Variants in DPH6 observed in about 807,000 individuals in gnomAD.
The protein encoded by DPH6 is diphthamine biosynthesis 6.
A neutral mutation model predicts 38.2 loss-of-function variants in DPH6; 33 were observed. The observed-to-expected ratio is 0.86, with a 90% confidence interval of 0.65 to 1.15. The LOEUF (loss-of-function observed/expected upper bound fraction) is 1.15, where lower values mean the gene tolerates loss of function less well. Among genes scored for constraint, DPH6 ranks in the 50% most tolerant of loss-of-function variants. The pLI, the probability that DPH6 is intolerant of heterozygous loss-of-function variation, is 0.00. For synonymous variants in DPH6, 108 were observed against 103.0 expected (o/e 1.05, Z -0.30); for missense variants, 325 against 320.0 (o/e 1.02, Z -0.12).
downstream of DPH6, among the ~76,000 whole-genome samples, chr15:35,212,993 A>T (rs2051395164): frequency 6.6e-6 from 1 of 152,244 alleles, no homozygotes; most frequent in African/African-American, 2.4e-5. Flanking sequence ...AATTTTAACA[A>T]TGGATATGTA....
At chr15:35,319,520 C>T (rs908918108) in intron 3 of DPH6, among the ~76,000 whole-genome samples, 3 of 152,118 alleles carry the variant, frequency 2.0e-5, no homozygotes, top group Admixed American at 1.3e-4. Context: ...GCAGACGGAT[C>T]GCCTGAGGCC....
intron 3 of DPH6, among the ~76,000 whole-genome samples, chr15:35,236,465 C>T (rs1459254573): frequency 4.6e-5 from 7 of 151,882 alleles, no homozygotes; most frequent in African/African-American, 1.2e-4. Flanking sequence ...GGTGAAACCC[C>T]GTCTCTACTA....
intron 3 of DPH6, among the ~76,000 whole-genome samples, chr15:35,300,758 T>A (rs1397201439): frequency 6.6e-6 from 1 of 152,224 alleles, no homozygotes; most frequent in African/African-American, 2.4e-5. Flanking sequence ...ACAGGGAGTT[T>A]CAAATATTCT....
downstream of DPH6, among the ~76,000 whole-genome samples, chr15:35,217,174 A>T (rs1165684389): frequency 6.6e-6 from 1 of 152,182 alleles, no homozygotes; most frequent in Non-Finnish European, 1.5e-5. Flanking sequence ...TTACATCACC[A>T]CCATATAAAT....
chr15:35,500,274 T>C (rs1178400570), intron 3 of DPH6, among the ~76,000 whole-genome samples: 2 of 152,200 alleles, frequency 1.3e-5, no homozygotes, highest in Non-Finnish European at 2.9e-5. Context: ...TTGAACCTTA[T>C]ACTTTTCACA....
chr15:35,503,332 C>A (rs1283913242), intron 3 of DPH6, among the ~76,000 whole-genome samples: 3 of 152,026 alleles, frequency 2.0e-5, no homozygotes, highest in Non-Finnish European at 4.4e-5. Flanking sequence ...CCCCTTTTCA[C>A]ATTTCTGATT....
At chr15:35,492,001 G>T (rs1223297403) in intron 3 of DPH6, among the ~76,000 whole-genome samples, 1 of 152,000 alleles carries the variant, frequency 6.6e-6, no homozygotes, top group Non-Finnish European at 1.5e-5. Flanking sequence ...AAGCTGAGAA[G>T]TCCCATAATC....
chr15:35,298,484 T>G lies in DPH6; in HGVS notation n.200+75037A>C, dbSNP rs1471849239. The G allele has an allele frequency of 3.9e-6, 3 of 772,874 alleles. No individual in the cohort carries two copies. In the African/African-American group the frequency reaches 5.1e-5, roughly 13 times the overall value. The allele number at this position is 772,874 out of a possible 1,614,324, so 47.9% of individuals were successfully genotyped here. On this transcript the variant is annotated intron_variant and non_coding_transcript_variant, in intron 3 of 3. Transcript: ENST00000560386. ...TTCACGTTCTTCCTTGGTTTTAACT[T>G]CCAAGTCTTCATCCACCTTTCCCGC...
chr15:35,204,857 G>C, the DPH6 span, among the ~76,000 whole-genome samples: 847 of 151,954 alleles, frequency 5.6e-3, 6 homozygotes, highest in African/African-American at 0.019. Flanking sequence ...TTTATTGTTT[G>C]GTTATTCAAA....
chr15:35,217,094 T>C (rs1031699002), downstream of DPH6, among the ~76,000 whole-genome samples: 3 of 152,192 alleles, frequency 2.0e-5, no homozygotes, highest in Non-Finnish European at 2.9e-5. Flanking sequence ...ATGTAAGTGA[T>C]AATAATGTTA....
At chr15:35,437,446 G>A (rs2053731429) in intron 5 of DPH6, among the ~76,000 whole-genome samples, 1 of 152,210 alleles carries the variant, frequency 6.6e-6, no homozygotes, top group Non-Finnish European at 1.5e-5. Context: ...TTGGGACTGA[G>A]CTTGGAGGAA....
chr15:35,360,679 G>C (rs1034628786), intron 3 of DPH6, among the ~76,000 whole-genome samples: 5 of 152,220 alleles, frequency 3.3e-5, no homozygotes. Flanking sequence ...TGGTGTGCCT[G>C]CTATTGGGGG....
intron 6 of DPH6, among the ~76,000 whole-genome samples, chr15:35,395,611 C>T (rs2053121400): frequency 6.6e-6 from 1 of 152,078 alleles, no homozygotes; most frequent in Non-Finnish European, 1.5e-5. Context: ...ACTTTGTTGC[C>T]ACGACCCATG....
At chr15:35,441,109 G>A (rs2053781744) in intron 5 of DPH6, among the ~76,000 whole-genome samples, 1 of 152,174 alleles carries the variant, frequency 6.6e-6, no homozygotes, top group South Asian at 2.1e-4. Flanking sequence ...ACCACAATGA[G>A]ATACCATCTC....
intron 3 of DPH6, among the ~76,000 whole-genome samples, chr15:35,294,168 T>C (rs988031575): frequency 6.6e-6 from 1 of 152,182 alleles, no homozygotes; most frequent in Non-Finnish European, 1.5e-5. Flanking sequence ...ATGCCACTCC[T>C]ATCCCCCTTT....
intron 3 of DPH6, among the ~76,000 whole-genome samples, chr15:35,354,789 G>A (rs1270310043): frequency 2.0e-5 from 3 of 152,024 alleles, no homozygotes; most frequent in Non-Finnish European, 4.4e-5. Context: ...GATGATGCTG[G>A]CCTCATAAAA....
chr15:35,518,696 A>G (rs1356196446), intron 3 of DPH6, among the ~76,000 whole-genome samples: 1 of 151,958 alleles, frequency 6.6e-6, no homozygotes, highest in Non-Finnish European at 1.5e-5. Context: ...GATTCACATA[A>G]ATCCAGAAAT....
intron 5 of DPH6, among the ~76,000 whole-genome samples, chr15:35,420,181 G>A (rs1477168400): frequency 6.6e-5 from 10 of 152,054 alleles, no homozygotes; most frequent in Non-Finnish European, 1.3e-4. Flanking sequence ...GCTCCTGAAG[G>A]AGCATATGAC....
intron 3 of DPH6, among the ~76,000 whole-genome samples, chr15:35,302,054 T>C (rs991947201): frequency 3.3e-5 from 5 of 152,108 alleles, no homozygotes; most frequent in African/African-American, 7.2e-5. Context: ...AATACATATA[T>C]AGGTTTGGTA....
Sources: allele counts gnomAD v4.1 joint callset (sites outside exome capture counted in the v4.1 genomes callset), GRCh38; gene constraint gnomAD v4.1.1; transcripts MANE v1.5; gene names NCBI Gene and HGNC (gene_info 2026-07-23, HGNC 2026-07-21).